CASD1: variants seen among roughly 807,000 people sequenced by gnomAD.
The protein encoded by CASD1 is CAS1 domain sialic acid O acetyltransferase 1.
CASD1 carries 41 observed loss-of-function variants against 100.0 expected under a neutral mutation model. That is an observed-to-expected ratio of 0.41 (90% CI 0.32 to 0.53). The LOEUF (loss-of-function observed/expected upper bound fraction) is 0.53, where lower values mean the gene tolerates loss of function less well. Among genes scored for constraint, CASD1 ranks in the 20% least tolerant of loss-of-function variants. CASD1 has a pLI of 0.25. For missense variants in CASD1, 774 were observed against 948.7 expected, an observed-to-expected ratio of 0.82 and a Z score of 2.42; for synonymous variants, 321 against 315.6, an observed-to-expected ratio of 1.02 and a Z score of -0.18.
intron 3 of CASD1, among the ~76,000 whole-genome samples, chr7:94,524,430 G>GT (rs917147859): frequency 2.6e-5 from 4 of 151,880 alleles, no homozygotes; most frequent in Non-Finnish European, 5.9e-5. Flanking sequence ...GTGGAAGTGA[G>GT]TTTTTTTTAT....
At chr7:94,562,334 C>CT in the CASD1 span, among the ~76,000 whole-genome samples, 2 of 152,072 alleles carry the variant, frequency 1.3e-5, no homozygotes, top group African/African-American at 4.8e-5. Context: ...ATCTTACATT[C>CT]TTTTTTGAAA....
At chr7:94,557,374 A>G (rs1389659553), downstream of CASD1, among the ~76,000 whole-genome samples, 1 of 152,088 alleles carries the variant, frequency 6.6e-6, no homozygotes, top group Non-Finnish European at 1.5e-5. Context: ...TTTCCCAGAT[A>G]GACAATTGTA....
intron 8 of CASD1, among the ~76,000 whole-genome samples, chr7:94,536,423 T>G (rs904916673): frequency 6.6e-6 from 1 of 152,184 alleles, no homozygotes; most frequent in Non-Finnish European, 1.5e-5. Flanking sequence ...TTTTTTTCTC[T>G]TATTAAGCAG....
chr7:94,575,527 G>A, the CASD1 span, among the ~76,000 whole-genome samples: 3 of 152,032 alleles, frequency 2.0e-5, no homozygotes, highest in African/African-American at 4.8e-5. Context: ...CTGTTTTTTT[G>A]GGTGGAGAGT....
At chr7:94,600,146 C>T in the CASD1 span, 15 of 185,296 alleles carry the variant, frequency 8.1e-5, no homozygotes, top group South Asian at 4.8e-4. Flanking sequence ...GAAGTGAAGA[C>T]TTGTTACTCA....
At chr7:94,616,942 A>C in the CASD1 span, 1 of 152,208 alleles carries the variant, frequency 6.6e-6, no homozygotes, top group South Asian at 2.1e-4. Flanking sequence ...CAAGTTGGGA[A>C]GGGATCTGAG....
chr7:94,583,535 AG>A, the CASD1 span, among the ~76,000 whole-genome samples: 1 of 152,210 alleles, frequency 6.6e-6, no homozygotes, highest in Non-Finnish European at 1.5e-5. Flanking sequence ...TTGTAACCTT[AG>A]GTACACACCA....
chr7:94,526,516 G>A (rs935359857), intron 3 of CASD1, among the ~76,000 whole-genome samples: 3 of 152,220 alleles, frequency 2.0e-5, no homozygotes, highest in Non-Finnish European at 4.4e-5. Context: ...TGCTGGGCAC[G>A]GTGGCACATG....
At chr7:94,594,900 G>A in the CASD1 span, among the ~76,000 whole-genome samples, 1 of 152,064 alleles carries the variant, frequency 6.6e-6, no homozygotes, top group Admixed American at 6.6e-5. Flanking sequence ...AGTACAAAAT[G>A]AAACACCTCA....
chr7:94,571,134 C>T, the CASD1 span, among the ~76,000 whole-genome samples: 1 of 151,532 alleles, frequency 6.6e-6, no homozygotes, highest in Non-Finnish European at 1.5e-5. Context: ...GTCTTGACCT[C>T]CCAGGCTTAA....
the CASD1 span, among the ~76,000 whole-genome samples, chr7:94,567,784 GAA>G: frequency 6.6e-6 from 1 of 152,124 alleles, no homozygotes; most frequent in East Asian, 1.9e-4. Flanking sequence ...GGCAGATAGT[GAA>G]AAGTTTTATT....
the CASD1 span, among the ~76,000 whole-genome samples, chr7:94,568,219 C>A: frequency 6.6e-6 from 1 of 152,052 alleles, no homozygotes; most frequent in Non-Finnish European, 1.5e-5. Flanking sequence ...GTACATAAAT[C>A]GTCCCATACA....
downstream of CASD1, among the ~76,000 whole-genome samples, chr7:94,558,548 A>G (rs1308306714): frequency 6.6e-6 from 1 of 152,180 alleles, no homozygotes; most frequent in Non-Finnish European, 1.5e-5. Context: ...AATCCATCTT[A>G]CCACTTTGAA....
At chr7:94,563,724 A>G in the CASD1 span, among the ~76,000 whole-genome samples, 1 of 150,678 alleles carries the variant, frequency 6.6e-6, no homozygotes, top group Non-Finnish European at 1.5e-5. Context: ...CATTTGGTAT[A>G]TGTCCAGAGC....
At chr7:94,553,006 A>G (rs1378769737) in intron 16 of CASD1, 2 of 224,216 alleles carry the variant, frequency 8.9e-6, no homozygotes, top group African/African-American at 2.3e-5. Context: ...AGTGGTTACC[A>G]AATCAGACAT....
At position 94,509,837 on chromosome 7, in the gene CASD1, C is replaced by T; in HGVS notation, c.-248C>T. Reference sequence around the variant, plus strand: ...ACAGGCGTCCAGGGCGCCTGGGGAACCGGCACGGCGGAGCAGCGGCGGCGG... The same window carrying T: ...ACAGGCGTCCAGGGCGCCTGGGGAATCGGCACGGCGGAGCAGCGGCGGCGG... On this transcript the variant is annotated 5_prime_UTR_variant, in exon 1 of 18. Transcript: ENST00000297273. The T allele has an allele frequency of 2.0e-6, 2 of 1,003,310 alleles. No individual in the cohort carries two copies. Among genetic ancestry groups the T allele is most frequent in the Non-Finnish European group, 1.2e-6 (1 of 842,216 alleles). The allele number at this position is 1,003,310 out of a possible 1,614,324, so 62.2% of individuals were successfully genotyped here. A position where few individuals can be genotyped will look rare whatever the true frequency, so the allele number is the denominator to read the frequency against.
At chr7:94,562,417 C>A in the CASD1 span, among the ~76,000 whole-genome samples, 1 of 152,098 alleles carries the variant, frequency 6.6e-6, no homozygotes, top group Non-Finnish European at 1.5e-5. Flanking sequence ...ATAGTATATA[C>A]AAATGGTAGT....
the CASD1 span, chr7:94,624,642 C>A: frequency 6.3e-6 from 1 of 159,348 alleles, no homozygotes; most frequent in East Asian, 1.7e-4. Context: ...ACAAAAAATG[C>A]AAAATAGATT....
At chr7:94,535,269 A>G in intron 7 of CASD1, 40 bp from the exon 8 acceptor site, 1 of 1,475,872 alleles carries the variant, frequency 6.8e-7, no homozygotes. Context: ...ACCAATAGGG[A>G]TTTTTAAAAT....
Sources: gnomAD v4.1 joint callset for allele counts (sites outside exome capture counted in the v4.1 genomes callset) on GRCh38, gnomAD v4.1.1 for gene constraint, MANE v1.5 for transcripts, NCBI Gene and HGNC (gene_info 2026-07-23, HGNC 2026-07-21) for gene names.